Variants in DOK6 observed in about 807,000 individuals in gnomAD.
DOK6 encodes downstream of tyrosine kinase 6.
Under a neutral mutation model 44.0 loss-of-function variants are expected in DOK6, and 22 were observed. The ratio of observed to expected loss-of-function variants is 0.50; its 90% CI spans 0.36 to 0.71. DOK6 has a LOEUF of 0.71. Ranked by LOEUF, DOK6 falls within the 30% of genes least tolerant of loss-of-function variation. The pLI, the probability that DOK6 is intolerant of heterozygous loss-of-function variation, is 0.00. For missense variants in DOK6, 340 were observed against 416.4 expected (o/e 0.82, Z 1.60); for synonymous variants, 166 against 145.5 (o/e 1.14, Z -1.01).
At chr18:69,675,631 G>A (rs139608451) in intron 3 of DOK6, among the ~76,000 whole-genome samples, 1,553 of 151,948 alleles carry the variant, frequency 0.01, 75 homozygotes, top group East Asian at 0.095. Flanking sequence ...AAACCTGCAC[G>A]TTGTGCACAT....
chr18:69,841,977 T>C lies in DOK6; in HGVS notation c.*594T>C, dbSNP rs917118599. 3 of 153,088 alleles carry C rather than the reference T, an allele frequency of 2.0e-5. No individual in the cohort carries two copies. Among genetic ancestry groups the C allele is most frequent in the African/African-American group, 7.3e-5 (3 of 41,356 alleles). 9.5% of individuals were successfully genotyped at this position (153,088 alleles called of 1,614,324 possible). On this transcript the variant is annotated 3_prime_UTR_variant, in exon 8 of 8. Transcript: ENST00000382713. The stretch of plus-strand genomic sequence containing the variant: ...GTGTGTGTGTGCGTGTGTGTGTGTG[T>C]GTGTAGACAAATGGATATTGCTATA...
At chr18:69,444,581 T>G (rs373409212) in intron 1 of DOK6, among the ~76,000 whole-genome samples, 1 of 152,032 alleles carries the variant, frequency 6.6e-6, no homozygotes, top group South Asian at 2.1e-4. Context: ...TATTGATTTT[T>G]ATTTTTATTT....
chr18:69,553,608 T>G (rs142861551), intron 1 of DOK6, among the ~76,000 whole-genome samples: 2 of 152,272 alleles, frequency 1.3e-5, no homozygotes, highest in East Asian at 1.9e-4. Flanking sequence ...TGTCTGACCT[T>G]GTATGTGAAG....
intron 3 of DOK6, among the ~76,000 whole-genome samples, chr18:69,664,072 T>A (rs1478408922): frequency 6.6e-6 from 1 of 152,202 alleles, no homozygotes; most frequent in Non-Finnish European, 1.5e-5. Context: ...ACAAAGCTAA[T>A]AGAAAACAAA....
At chr18:69,712,339 C>T (rs1359740559) in intron 5 of DOK6, among the ~76,000 whole-genome samples, 4 of 123,888 alleles carry the variant, frequency 3.2e-5, no homozygotes, top group Non-Finnish European at 6.6e-5. Flanking sequence ...TAACCTTTTC[C>T]GAATCACATT....
intron 7 of DOK6, among the ~76,000 whole-genome samples, chr18:69,763,971 C>G (rs1568119646): frequency 6.6e-6 from 1 of 152,126 alleles, no homozygotes; most frequent in Non-Finnish European, 1.5e-5. Context: ...GAGAAAAATT[C>G]TCTTCTATAT....
intron 1 of DOK6, among the ~76,000 whole-genome samples, chr18:69,459,354 T>G (rs1304455883): frequency 1.3e-5 from 2 of 152,148 alleles, no homozygotes; most frequent in Non-Finnish European, 2.9e-5. Flanking sequence ...TGCTTGTTTC[T>G]TATTTAAAAT....
chr18:69,545,382 C>T (rs930785190), intron 1 of DOK6, among the ~76,000 whole-genome samples: 1 of 150,032 alleles, frequency 6.7e-6, no homozygotes, highest in Admixed American at 6.7e-5. Context: ...CACTGTTGAC[C>T]TAAAACTTGC....
intron 1 of DOK6, among the ~76,000 whole-genome samples, chr18:69,401,668 C>T (rs1916103109): frequency 6.6e-6 from 1 of 152,186 alleles, no homozygotes; most frequent in African/African-American, 2.4e-5. Flanking sequence ...AAAGTGTGCG[C>T]CTTTCGGGTG....
At chr18:69,528,977 T>G (rs981277071) in intron 1 of DOK6, among the ~76,000 whole-genome samples, 8 of 152,292 alleles carry the variant, frequency 5.3e-5, no homozygotes, top group Admixed American at 3.9e-4. Flanking sequence ...GGAAGTCAAC[T>G]GCATTTCTAG....
intron 7 of DOK6, among the ~76,000 whole-genome samples, chr18:69,829,028 A>T (rs1426093413): frequency 1.3e-5 from 2 of 150,520 alleles, no homozygotes; most frequent in African/African-American, 4.8e-5. Flanking sequence ...GAAATCACAA[A>T]TCTCCCACAT....
At chr18:69,410,865 A>T (rs962787511) in intron 1 of DOK6, among the ~76,000 whole-genome samples, 1 of 152,190 alleles carries the variant, frequency 6.6e-6, no homozygotes, top group Non-Finnish European at 1.5e-5. Flanking sequence ...CTATATTTTT[A>T]AAAAACCAGT....
chr18:69,798,058 T>C (rs1233869323), intron 7 of DOK6, among the ~76,000 whole-genome samples: 1 of 152,094 alleles, frequency 6.6e-6, no homozygotes, highest in East Asian at 1.9e-4. Context: ...AGCAAAAGTG[T>C]GCAACAGCAA....
intron 1 of DOK6, among the ~76,000 whole-genome samples, chr18:69,411,232 G>T (rs1978304681): frequency 6.6e-6 from 1 of 152,154 alleles, no homozygotes; most frequent in African/African-American, 2.4e-5. Flanking sequence ...TGAGATGAGT[G>T]TGGAGTAATG....
At chr18:69,805,818 G>A (rs1168315594) in intron 7 of DOK6, among the ~76,000 whole-genome samples, 3 of 152,040 alleles carry the variant, frequency 2.0e-5, no homozygotes, top group African/African-American at 2.4e-5. Context: ...AACTTCTTGT[G>A]GTACGAGTAT....
chr18:69,518,732 A>G (rs547198500), intron 1 of DOK6, among the ~76,000 whole-genome samples: 10 of 152,294 alleles, frequency 6.6e-5, no homozygotes, highest in African/African-American at 1.9e-4. Context: ...CTTTAAAAAC[A>G]TTTCTAAAAA....
intron 2 of DOK6, among the ~76,000 whole-genome samples, chr18:69,592,328 CCT>C (rs1983641819): frequency 6.6e-6 from 1 of 151,490 alleles, no homozygotes; most frequent in African/African-American, 2.4e-5. Flanking sequence ...GATCTTTCTT[CCT>C]CTCTGCTCCC....
chr18:69,760,094 AATAG>A (rs562428383), intron 7 of DOK6, among the ~76,000 whole-genome samples: 42 of 152,256 alleles, frequency 2.8e-4, no homozygotes, highest in African/African-American at 4.6e-4. Context: ...GAGATGAATA[AATAG>A]ATAAAGTTGT....
chr18:69,509,575 T>C (rs528633703), intron 1 of DOK6, among the ~76,000 whole-genome samples: 6 of 145,724 alleles, frequency 4.1e-5, no homozygotes, highest in Non-Finnish European at 5.9e-5. Flanking sequence ...GAGGTGGAGC[T>C]TGCAGTGAGC....
Sources: allele counts gnomAD v4.1 joint callset (sites outside exome capture counted in the v4.1 genomes callset), GRCh38; gene constraint gnomAD v4.1.1; transcripts MANE v1.5; gene names NCBI Gene and HGNC (gene_info 2026-07-23, HGNC 2026-07-21).